Variants in CHRM2 observed in about 807,000 individuals in gnomAD.
CHRM2 encodes the protein cholinergic receptor muscarinic 2.
In CHRM2, 8 loss-of-function variants were observed where a neutral mutation model predicts 25.0. The ratio of observed to expected loss-of-function variants is 0.32; its 90% confidence interval spans 0.19 to 0.58. The LOEUF (loss-of-function observed/expected upper bound fraction) is 0.58. Among genes scored for constraint, CHRM2 ranks in the 20% least tolerant of loss-of-function variants. The pLI is 0.88. For missense variants in CHRM2, 440 were observed against 567.1 expected, an observed-to-expected ratio of 0.78 and a Z score of 2.28; for synonymous variants, 202 against 205.7, an observed-to-expected ratio of 0.98 and a Z score of 0.15.
intron 2 of CHRM2, among the ~76,000 whole-genome samples, chr7:136,922,807 T>A (rs1263752594): frequency 6.6e-6 from 1 of 152,212 alleles, no homozygotes; most frequent in Non-Finnish European, 1.5e-5. Flanking sequence ...TATGTTGCAT[T>A]GTTTTTTCTT....
intron 3 of CHRM2, among the ~76,000 whole-genome samples, chr7:136,998,435 G>A (rs955202177): frequency 2.0e-5 from 3 of 152,274 alleles, no homozygotes; most frequent in African/African-American, 7.2e-5. Context: ...TTAGGAAAAT[G>A]CAGATCTAAG....
At chr7:136,952,578 C>CT (rs11348809) in intron 2 of CHRM2, among the ~76,000 whole-genome samples, 5 of 151,138 alleles carry the variant, frequency 3.3e-5, no homozygotes, top group South Asian at 4.2e-4. Context: ...TTTTTTAAAA[C>CT]TTTTTTTTTT....
chr7:136,902,975 A>G, intron 2 of CHRM2: 2 of 378,780 alleles, frequency 5.3e-6, no homozygotes, highest in Non-Finnish European at 1.0e-5. Context: ...AAAGCTTCTC[A>G]GCCTGGGATT....
At chr7:136,950,413 G>C (rs1800338760) in intron 2 of CHRM2, among the ~76,000 whole-genome samples, 1 of 152,044 alleles carries the variant, frequency 6.6e-6, no homozygotes, top group Non-Finnish European at 1.5e-5. Flanking sequence ...GGTAGTTGAG[G>C]CAATGACAGG....
intron 2 of CHRM2, among the ~76,000 whole-genome samples, chr7:136,950,818 G>GTTGTTGTTGTTGTTGTTT: frequency 1.3e-5 from 2 of 152,048 alleles, no homozygotes; most frequent in East Asian, 3.9e-4. Flanking sequence ...TGTTGTTGTT[G>GTTGTTGTTGTTGTTGTTT]TTGTTGTTGT....
At chr7:136,908,176 A>G (rs781210328) in intron 2 of CHRM2, among the ~76,000 whole-genome samples, 1 of 152,060 alleles carries the variant, frequency 6.6e-6, no homozygotes, top group Non-Finnish European at 1.5e-5. Context: ...AAACCTCAAA[A>G]GAGCTGTATG....
intron 2 of CHRM2, among the ~76,000 whole-genome samples, chr7:136,962,714 G>A (rs1448907143): frequency 2.6e-5 from 4 of 152,136 alleles, no homozygotes; most frequent in African/African-American, 4.8e-5. Context: ...GCCAGAGAAC[G>A]ACATTGTATT....
intron 2 of CHRM2, among the ~76,000 whole-genome samples, chr7:136,985,519 A>AC (rs1802796605): frequency 6.6e-6 from 1 of 151,576 alleles, no homozygotes; most frequent in African/African-American, 2.4e-5. Context: ...AAAAAAAAAA[A>AC]AAAAAAAAAC....
intron 2 of CHRM2, among the ~76,000 whole-genome samples, chr7:136,989,293 T>C (rs1189025466): frequency 1.3e-5 from 2 of 152,188 alleles, no homozygotes; most frequent in African/African-American, 2.4e-5. Flanking sequence ...TAGATCTTCC[T>C]TATTTTTATT....
intron 2 of CHRM2, among the ~76,000 whole-genome samples, chr7:136,990,187 A>G (rs1460713721): frequency 6.6e-6 from 1 of 152,206 alleles, no homozygotes; most frequent in Admixed American, 6.6e-5. Flanking sequence ...TCAGAGTGGT[A>G]CATTTGTTGC....
intron 3 of CHRM2, among the ~76,000 whole-genome samples, chr7:137,000,967 G>A (rs1368730463): frequency 2.0e-5 from 3 of 152,126 alleles, no homozygotes; most frequent in African/African-American, 4.8e-5. Context: ...TTCATACTTA[G>A]AATAAAGAAG....
chr7:136,874,574 CT>C (rs540436873), intron 2 of CHRM2, among the ~76,000 whole-genome samples: 10 of 144,398 alleles, frequency 6.9e-5, no homozygotes, highest in East Asian at 6.6e-4. Flanking sequence ...TCTGCCCCCC[CT>C]CTCTCCCCTC....
intron 2 of CHRM2, among the ~76,000 whole-genome samples, chr7:136,916,996 T>C (rs1256542649): frequency 6.6e-6 from 1 of 152,012 alleles, no homozygotes; most frequent in Non-Finnish European, 1.5e-5. Flanking sequence ...CTATTTTTCA[T>C]TGACTCCCGC....
chr7:136,992,732 T>TCC (rs1189279219), intron 3 of CHRM2, among the ~76,000 whole-genome samples: 1 of 152,176 alleles, frequency 6.6e-6, no homozygotes, highest in East Asian at 1.9e-4. Flanking sequence ...ACTCTCTCTC[T>TCC]CCCTCTGTCT....
chr7:136,923,412 G>A (rs1364405), intron 2 of CHRM2, among the ~76,000 whole-genome samples: 36,209 of 151,896 alleles, frequency 0.24, 5,670 homozygotes, highest in Non-Finnish European at 0.35. Flanking sequence ...CTACACAAAC[G>A]GATCAGAGGA....
chr7:136,930,927 A>AAAAAAAAAAAAAG (rs1290104978), intron 2 of CHRM2, among the ~76,000 whole-genome samples: 23 of 138,654 alleles, frequency 1.7e-4, no homozygotes, highest in African/African-American at 5.9e-4. Flanking sequence ...AAAAAAAAAA[A>AAAAAAAAAAAAAG]GGATAGAAAG....
At chr7:136,888,710 A>C (rs1042113540) in intron 2 of CHRM2, among the ~76,000 whole-genome samples, 14 of 152,276 alleles carry the variant, frequency 9.2e-5, no homozygotes, top group African/African-American at 3.1e-4. Flanking sequence ...ATTCTTGTTA[A>C]TAAAACGAGT....
intron 2 of CHRM2, among the ~76,000 whole-genome samples, chr7:136,927,641 G>A (rs1798824834): frequency 6.6e-6 from 1 of 152,300 alleles, no homozygotes; most frequent in South Asian, 2.1e-4. Context: ...GAATTACCTT[G>A]TAACATGCTA....
intron 3 of CHRM2, among the ~76,000 whole-genome samples, chr7:136,995,998 G>T (rs1015800105): frequency 6.6e-6 from 1 of 151,774 alleles, no homozygotes; most frequent in Non-Finnish European, 1.5e-5. Context: ...GAATAGAATG[G>T]AAAGCCCAGA....
Sources: allele counts gnomAD v4.1 joint callset (sites outside exome capture counted in the v4.1 genomes callset), GRCh38; gene constraint gnomAD v4.1.1; transcripts MANE v1.5; gene names NCBI Gene and HGNC (gene_info 2026-07-23, HGNC 2026-07-21).